CEP76: variants seen among roughly 807,000 people sequenced by gnomAD.
The protein encoded by CEP76 is centrosomal protein 76.
A neutral mutation model predicts 83.3 loss-of-function variants in CEP76; 55 were observed. The ratio of observed to expected loss-of-function variants is 0.66; its 90% CI spans 0.53 to 0.83. The LOEUF (loss-of-function observed/expected upper bound fraction) is 0.83. CEP76 is among the 40% of genes least tolerant of loss of function. The pLI, the probability that CEP76 is intolerant of heterozygous loss-of-function variation, is 0.00. For synonymous variants in CEP76, 270 were observed against 274.5 expected (o/e 0.98, Z 0.16); for missense variants, 694 against 799.5 (o/e 0.87, Z 1.59).
At chr18:12,686,553 G>A in intron 7 of CEP76, 103 bp from the exon 8 acceptor site, 1 of 835,302 alleles carries the variant, frequency 1.2e-6, no homozygotes, top group Non-Finnish European at 1.9e-6. Context: ...GCATACCATT[G>A]ATCGAGTGCT....
chr18:12,684,986 A>G (rs1420043768), intron 8 of CEP76: 1 of 151,770 alleles, frequency 6.6e-6, no homozygotes, highest in South Asian at 2.1e-4. Context: ...TATTTTTTCT[A>G]TATTAATTTT....
chr18:12,674,056 A>C (rs915198443), intron 11 of CEP76, among the ~76,000 whole-genome samples: 1 of 152,138 alleles, frequency 6.6e-6, no homozygotes, highest in African/African-American at 2.4e-5. Context: ...CTAGGGCTAC[A>C]TTTCAGACCA....
rs541510307 is a variant in CEP76, at chr18:12,697,804, C to T, written c.521-396G>A. On this transcript the variant is annotated intron_variant, in intron 4 of 11. Coordinates refer to ENST00000262127, the MANE Select transcript of CEP76 (RefSeq NM_024899.4). ...AAATTATCACTGTATAATTGACATACAACTGAAAAATACAGCACATCGAAT... is the reference window on the plus strand; with the variant it reads ...AAATTATCACTGTATAATTGACATATAACTGAAAAATACAGCACATCGAAT... Among the ~76,000 whole-genome samples the T allele has an allele frequency of 6.6e-5, 10 of 150,934 alleles. No homozygotes were observed. The East Asian group carries it at 1.2e-3, about 17-fold the overall frequency.
In CEP76 at chr18:12,691,119, C is replaced by T. The variant is rs756337558; in HGVS notation, c.933+240G>A. The T allele has an allele frequency of 1.1e-5, 4 of 364,298 alleles. No homozygotes were observed. The Admixed American group carries it at 1.3e-4, about 12-fold the overall frequency. 22.6% of individuals were successfully genotyped at this position (364,298 alleles called of 1,614,324 possible). On this transcript the variant is annotated intron_variant, in intron 7 of 11. Coordinates refer to ENST00000262127, the MANE Select transcript of CEP76 (RefSeq NM_024899.4). ...GTTTAAAACACAATAATTGATTCAA[C>T]CTGAGAAAGGTGATTTTTCAAAAAC...
At chr18:12,694,921 T>TAGCCAGGATGGTC (rs1421598967) in intron 6 of CEP76, among the ~76,000 whole-genome samples, 1 of 151,652 alleles carries the variant, frequency 6.6e-6, no homozygotes, top group Non-Finnish European at 1.5e-5. Flanking sequence ...TTCACCGTGT[T>TAGCCAGGATGGTC]AGCCAGGATG....
At chr18:12,699,449 T>TG (rs2040075668) in intron 3 of CEP76, among the ~76,000 whole-genome samples, 1 of 152,200 alleles carries the variant, frequency 6.6e-6, no homozygotes, top group Admixed American at 6.5e-5. Flanking sequence ...GGAAAAGGCA[T>TG]CAGAGCCAAT....
intron 5 of CEP76, among the ~76,000 whole-genome samples, chr18:12,696,805 T>C (rs1427645788): frequency 6.6e-5 from 10 of 152,106 alleles, no homozygotes; most frequent in Admixed American, 6.6e-4. Flanking sequence ...CTGTAAAAGG[T>C]TGGGAGAACA....
chr18:12,686,749 G>A (rs1213305108), intron 7 of CEP76: 1 of 238,918 alleles, frequency 4.2e-6, no homozygotes, highest in East Asian at 1.1e-4. Flanking sequence ...TGAGAAATGT[G>A]TGGGTAGGTA....
At chr18:12,668,056 G>A (rs966470764), downstream of CEP76, among the ~76,000 whole-genome samples, 1 of 152,060 alleles carries the variant, frequency 6.6e-6, no homozygotes, top group African/African-American at 2.4e-5. Flanking sequence ...CCTGAGGTCA[G>A]GAGTTTGAAA....
chr18:12,693,882 G>A (rs1413255145), intron 6 of CEP76, among the ~76,000 whole-genome samples: 1 of 152,176 alleles, frequency 6.6e-6, no homozygotes, highest in Admixed American at 6.6e-5. Context: ...ACCCAGGCTA[G>A]TGTGCAGTGG....
chr18:12,702,431 G>A (rs1008928929), intron 1 of CEP76, 55 bp downstream of exon 1: 9 of 1,376,138 alleles, frequency 6.5e-6, no homozygotes, highest in African/African-American at 5.9e-5. Flanking sequence ...CGCCGGGCAG[G>A]AGGGAAAGGT....
chr18:12,692,476 C>A (rs1174499967), intron 6 of CEP76, among the ~76,000 whole-genome samples: 1 of 152,164 alleles, frequency 6.6e-6, no homozygotes, highest in Admixed American at 6.6e-5. Context: ...TTCGGTCCTC[C>A]ATAGGGGCTT....
chr18:12,694,241 A>G (rs1465618530), intron 6 of CEP76, among the ~76,000 whole-genome samples: 4 of 152,216 alleles, frequency 2.6e-5, no homozygotes, highest in Non-Finnish European at 4.4e-5. Flanking sequence ...GTTTAAAGAA[A>G]ACAGGGCAGG....
intron 8 of CEP76, among the ~76,000 whole-genome samples, chr18:12,683,743 C>A (rs1261190325): frequency 6.6e-6 from 1 of 151,342 alleles, no homozygotes; most frequent in Admixed American, 6.6e-5. Context: ...AAGAGGAAAA[C>A]TCTGTCTCAT....
chr18:12,699,269 TA>T, intron 3 of CEP76, 66 bp from the exon 4 acceptor site: 2 of 1,158,702 alleles, frequency 1.7e-6, no homozygotes, highest in East Asian at 4.7e-5. Flanking sequence ...ATCAAGACAT[TA>T]GGAAATAAAA....
At chr18:12,677,038 T>G (rs973488707) in intron 10 of CEP76, among the ~76,000 whole-genome samples, 2 of 152,246 alleles carry the variant, frequency 1.3e-5, no homozygotes, top group African/African-American at 4.8e-5. Context: ...CTTCAATCTC[T>G]TAATGTCTTC....
intron 2 of CEP76, 67 bp downstream of exon 2, chr18:12,700,891 T>G: frequency 7.5e-7 from 1 of 1,335,818 alleles, no homozygotes; most frequent in Non-Finnish European, 1.0e-6. Context: ...ATCGGAACCT[T>G]ATAAGTAGTG....
At chr18:12,683,484 A>T (rs576407239) in intron 8 of CEP76, among the ~76,000 whole-genome samples, 66 of 152,062 alleles carry the variant, frequency 4.3e-4, no homozygotes, top group African/African-American at 1.5e-3. Context: ...TAAAACACTC[A>T]TTAAAAAACG....
At chr18:12,692,245 G>A (rs1363169770) in intron 6 of CEP76, 1 of 151,990 alleles carries the variant, frequency 6.6e-6, no homozygotes, top group Non-Finnish European at 1.5e-5. Flanking sequence ...GAACCCGGGA[G>A]GCAGAGGTTG....
Sources: gnomAD v4.1 joint callset for allele counts (sites outside exome capture counted in the v4.1 genomes callset) on GRCh38, gnomAD v4.1.1 for gene constraint, MANE v1.5 for transcripts, NCBI Gene and HGNC (gene_info 2026-07-23, HGNC 2026-07-21) for gene names.